Variants in ADGB observed in about 807,000 individuals in gnomAD.
The protein encoded by ADGB is calpain-7-like protein.
In ADGB, 172 loss-of-function variants were observed where a neutral mutation model predicts 210.5. That is an observed-to-expected ratio of 0.82 (90% CI 0.72 to 0.93). The LOEUF is 0.93. Ranked by LOEUF, ADGB falls within the 40% of genes least tolerant of loss-of-function variation. The probability of loss-of-function intolerance (pLI) is 0.00; values close to 1 mark genes in which losing one functional copy is unlikely to be tolerated. For missense variants in ADGB, 2,025 were observed against 1,964.8 expected (o/e 1.03, Z -0.58); for synonymous variants, 658 against 662.7 (o/e 0.99, Z 0.11).
At chr6:146,635,152 G>A (rs1311134807) in intron 1 of ADGB, among the ~76,000 whole-genome samples, 1 of 151,872 alleles carries the variant, frequency 6.6e-6, no homozygotes, top group Non-Finnish European at 1.5e-5. Context: ...TCAGTAAGTA[G>A]GGACTAAGGC....
chr6:146,735,704 G>A (rs769731606), intron 22 of ADGB, among the ~76,000 whole-genome samples: 2 of 152,160 alleles, frequency 1.3e-5, no homozygotes, highest in African/African-American at 2.4e-5. Flanking sequence ...TTTAGAGACT[G>A]AAAATATGGG....
chr6:146,757,401 G>C (rs892238511), intron 27 of ADGB, among the ~76,000 whole-genome samples: 1 of 151,756 alleles, frequency 6.6e-6, no homozygotes, highest in Non-Finnish European at 1.5e-5. Flanking sequence ...TGCTTATATA[G>C]ATTGAATTTA....
chr6:146,763,845 G>T, intron 27 of ADGB, 56 bp from the exon 28 acceptor site: 1 of 1,416,806 alleles, frequency 7.1e-7, no homozygotes, highest in South Asian at 1.4e-5. Flanking sequence ...GATTTAGTCA[G>T]TAATAACTAT....
rs549410999 is a variant in ADGB, at chr6:146,646,889, G to A, written c.330+2024G>A. On this transcript the variant is annotated intron_variant, in intron 3 of 35. Transcript: ENST00000397944. Reference sequence around the variant, plus strand: ...GGATCATTTAAGGCCAGGAGTTTGAGACCAGCCTGGCCAACATGGCAAAAT... The same window carrying A: ...GGATCATTTAAGGCCAGGAGTTTGAAACCAGCCTGGCCAACATGGCAAAAT... Among the ~76,000 whole-genome samples, 61 of 151,864 alleles carry A rather than the reference G, an allele frequency of 4.0e-4. No homozygotes were observed. The South Asian group carries it at 0.012, about 30-fold the overall frequency.
At chr6:146,693,384 G>C (rs1189199199) in intron 12 of ADGB, among the ~76,000 whole-genome samples, 1 of 152,162 alleles carries the variant, frequency 6.6e-6, no homozygotes, top group Non-Finnish European at 1.5e-5. Context: ...TGAGCACACA[G>C]AGAAGGCAGC....
intron 25 of ADGB, among the ~76,000 whole-genome samples, chr6:146,745,139 C>A (rs1446102151): frequency 6.6e-6 from 1 of 152,084 alleles, no homozygotes; most frequent in Non-Finnish European, 1.5e-5. Context: ...TTATATATAT[C>A]TAATTTTTAC....
intron 32 of ADGB, 85 bp downstream of exon 32, chr6:146,785,797 T>C (rs2114648132): frequency 2.0e-6 from 2 of 984,152 alleles, no homozygotes; most frequent in East Asian, 5.3e-5. Flanking sequence ...GGGTTGTGCT[T>C]GGTGAAAAGG....
chr6:146,741,715 A>G (rs1411817343), intron 25 of ADGB, among the ~76,000 whole-genome samples: 1 of 152,142 alleles, frequency 6.6e-6, no homozygotes, highest in Non-Finnish European at 1.5e-5. Flanking sequence ...TCATTTTGAG[A>G]GCTAAATAAA....
chr6:146,669,380 G>A (rs1775976961), intron 7 of ADGB, among the ~76,000 whole-genome samples: 1 of 151,964 alleles, frequency 6.6e-6, no homozygotes, highest in South Asian at 2.1e-4. Context: ...TGAGTGGTTT[G>A]TACACACTGT....
At chr6:146,694,215 C>T (rs1178357618) in intron 12 of ADGB, among the ~76,000 whole-genome samples, 1 of 152,122 alleles carries the variant, frequency 6.6e-6, no homozygotes, top group African/African-American at 2.4e-5. Context: ...CCTGTTTGGG[C>T]TGCTATAACA....
chr6:146,692,724 ATAGT>A (rs1404467751), intron 11 of ADGB, 97 bp from the exon 12 acceptor site: 10 of 519,610 alleles, frequency 1.9e-5, no homozygotes, highest in East Asian at 3.1e-5. Context: ...TGCTGAGTAA[ATAGT>A]TAATCTATCC....
chr6:146,623,508 C>T (rs1048044656), intron 1 of ADGB, among the ~76,000 whole-genome samples: 1 of 151,742 alleles, frequency 6.6e-6, no homozygotes, highest in African/African-American at 2.4e-5. Flanking sequence ...CTTGTCAGTG[C>T]ACAAAAGTTC....
In ADGB at chr6:146,644,761, A is replaced by T. The variant is rs896812335; in HGVS notation, c.238-12A>T. The T allele has an allele frequency of 2.1e-6, 3 of 1,395,546 alleles. No homozygotes were observed. Among genetic ancestry groups the T allele is most frequent in the Admixed American group, 3.1e-5 (1 of 31,844 alleles). 86.4% of individuals were successfully genotyped at this position (1,395,546 alleles called of 1,614,324 possible). A position where few individuals can be genotyped will look rare whatever the true frequency, so the allele number is the denominator to read the frequency against. On this transcript the variant is annotated splice_polypyrimidine_tract_variant and intron_variant, in intron 2 of 35. Transcript: ENST00000397944. ...AGAATATGCAGAAAAAACTCAATTTATTTTTATATAGCATTTTTTTGAGGA... is the reference window on the plus strand; with the variant it reads ...AGAATATGCAGAAAAAACTCAATTTTTTTTTATATAGCATTTTTTTGAGGA...
At chr6:146,641,805 A>G (rs558946589) in intron 2 of ADGB, among the ~76,000 whole-genome samples, 1 of 151,908 alleles carries the variant, frequency 6.6e-6, no homozygotes, top group African/African-American at 2.4e-5. Flanking sequence ...AAAAACCCTG[A>G]AAAACAACCT....
At position 146,733,105 on chromosome 6, in the gene ADGB, A is replaced by ATCAATGTAC; in HGVS notation, c.2521-14_2521-13insCAATGTACT. 2 of 1,441,146 alleles carry ATCAATGTAC rather than the reference A, an allele frequency of 1.4e-6. No homozygotes were observed. Among genetic ancestry groups the ATCAATGTAC allele is most frequent in the Non-Finnish European group, 1.8e-6 (2 of 1,083,322 alleles). The allele number at this position is 1,441,146 out of a possible 1,614,324, so 89.3% of individuals were successfully genotyped here. ...ATGGTATTTTCTTGCTATAAAAAAA[A>ATCAATGTAC]TTTATGTGTTTCAGGTTTTTCATCT... On this transcript the variant is annotated splice_polypyrimidine_tract_variant and intron_variant, in intron 20 of 35. Transcript: ENST00000397944.
At chr6:146,620,965 A>T (rs1478782354) in intron 1 of ADGB, among the ~76,000 whole-genome samples, 1 of 152,116 alleles carries the variant, frequency 6.6e-6, no homozygotes, top group African/African-American at 2.4e-5. Context: ...ATTGACTCTT[A>T]AACACTGCTC....
In ADGB at chr6:146,815,293, A is replaced by G. The variant is rs962686628; in HGVS notation, c.*76A>G. ...TAATGATCTTTAACTGCCTGCTGTT[A>G]AGATATTAGGCCAAATGAAAATAGA... On this transcript the variant is annotated 3_prime_UTR_variant, in exon 36 of 36. Coordinates refer to ENST00000397944, the MANE Select transcript of ADGB (RefSeq NM_024694.4). The G allele has an allele frequency of 2.4e-5, 28 of 1,157,488 alleles. No homozygotes were observed. Among genetic ancestry groups the G allele is most frequent in the Non-Finnish European group, 3.1e-5 (27 of 868,938 alleles). 71.7% of individuals were successfully genotyped at this position (1,157,488 alleles called of 1,614,324 possible).
chr6:146,678,825 A>T (rs776315393), intron 9 of ADGB, among the ~76,000 whole-genome samples: 3 of 152,328 alleles, frequency 2.0e-5, no homozygotes, highest in Admixed American at 6.5e-5. Flanking sequence ...AAATAAGTGT[A>T]TTCATTTAGG....
At chr6:146,760,860 G>A (rs1485312764) in intron 27 of ADGB, among the ~76,000 whole-genome samples, 2 of 151,762 alleles carry the variant, frequency 1.3e-5, no homozygotes, top group Non-Finnish European at 2.9e-5. Flanking sequence ...ATGATGTTGA[G>A]CATCTTATGT....
Sources: allele counts gnomAD v4.1 joint callset (sites outside exome capture counted in the v4.1 genomes callset), GRCh38; gene constraint gnomAD v4.1.1; transcripts MANE v1.5; gene names NCBI Gene and HGNC (gene_info 2026-07-23, HGNC 2026-07-21).